WWOX: variants seen among roughly 807,000 people sequenced by gnomAD.
WWOX encodes the protein WW domain containing oxidoreductase, also known as WW domain-containing oxidoreductase.
In WWOX, 69 loss-of-function variants were observed where a neutral mutation model predicts 46.2. The ratio of observed to expected loss-of-function variants is 1.49; its 90% confidence interval spans 1.23 to 1.82. The LOEUF (loss-of-function observed/expected upper bound fraction) is 1.82. WWOX is among the 40% of genes most tolerant of loss of function. The pLI, the probability that WWOX is intolerant of heterozygous loss-of-function variation, is 0.00. For synonymous variants in WWOX, 359 were observed against 202.6 expected, an observed-to-expected ratio of 1.77 and a Z score of -6.56; for missense variants, 919 against 542.6, an observed-to-expected ratio of 1.69 and a Z score of -6.89.
chr16:78,809,605 G>T (rs2051135836), intron 8 of WWOX, among the ~76,000 whole-genome samples: 1 of 152,064 alleles, frequency 6.6e-6, no homozygotes, highest in African/African-American at 2.4e-5. Context: ...CCTCCTATCA[G>T]TTTTTCAGAA....
intron 5 of WWOX, among the ~76,000 whole-genome samples, chr16:78,195,462 A>G (rs1355900365): frequency 1.3e-5 from 2 of 152,012 alleles, no homozygotes; most frequent in African/African-American, 2.4e-5. Flanking sequence ...TCCTGACACC[A>G]TGGCCACCTT....
intron 8 of WWOX, among the ~76,000 whole-genome samples, chr16:79,013,963 G>A (rs1035558057): frequency 6.6e-6 from 1 of 152,114 alleles, no homozygotes; most frequent in Non-Finnish European, 1.5e-5. Context: ...AGGATGCTCC[G>A]CCGCCTGTAA....
intron 8 of WWOX, among the ~76,000 whole-genome samples, chr16:79,083,815 A>G (rs2048805715): frequency 6.6e-6 from 1 of 152,082 alleles, no homozygotes; most frequent in Admixed American, 6.6e-5. Flanking sequence ...GGCAACTTTT[A>G]TGTATTTGTA....
intron 8 of WWOX, among the ~76,000 whole-genome samples, chr16:78,837,763 C>A (rs191406241): frequency 1.3e-5 from 2 of 152,222 alleles, no homozygotes; most frequent in African/African-American, 4.8e-5. Context: ...ACAATAGCCA[C>A]CATCTATCTA....
intron 8 of WWOX, among the ~76,000 whole-genome samples, chr16:78,601,241 C>T (rs557134147): frequency 5.9e-5 from 9 of 152,256 alleles, no homozygotes; most frequent in Admixed American, 2.0e-4. Context: ...TTTACTCACC[C>T]AGAAGGAAGC....
intron 8 of WWOX, among the ~76,000 whole-genome samples, chr16:79,190,255 C>T (rs1410859067): frequency 1.3e-5 from 2 of 151,944 alleles, no homozygotes; most frequent in Admixed American, 1.3e-4. Context: ...GAACTCCTGA[C>T]CTCAAGTGAT....
At chr16:78,746,461 A>G (rs1458681087) in intron 8 of WWOX, among the ~76,000 whole-genome samples, 2 of 152,136 alleles carry the variant, frequency 1.3e-5, no homozygotes, top group African/African-American at 2.4e-5. Context: ...TCATGCCACT[A>G]CACTCCAGTA....
At chr16:78,473,218 C>A (rs778211345) in intron 8 of WWOX, among the ~76,000 whole-genome samples, 38 of 152,334 alleles carry the variant, frequency 2.5e-4, no homozygotes, top group Middle Eastern at 3.4e-3. Flanking sequence ...CGGCCTGCAT[C>A]TCCCACGTTC....
chr16:79,070,971 C>G (rs2048539245), intron 8 of WWOX, among the ~76,000 whole-genome samples: 1 of 152,170 alleles, frequency 6.6e-6, no homozygotes, highest in Admixed American at 6.5e-5. Flanking sequence ...ATGTCCCTCC[C>G]TACCCCCACA....
rs186249856 is a variant in WWOX, at chr16:78,995,316, A to C, written c.1057-216292A>C. Among the ~76,000 whole-genome samples, 126 of 152,158 alleles carry C rather than the reference A, an allele frequency of 8.3e-4. 1 individual carries two copies. The highest frequency in any genetic ancestry group is 2.8e-3 in the African/African-American group (116 of 41,524). On this transcript the variant is annotated intron_variant, in intron 8 of 8. Coordinates refer to ENST00000566780, the MANE Select transcript of WWOX (RefSeq NM_016373.4). Reference sequence around the variant, plus strand: ...TCGCGGCCAGTCTGCCCCTTGCCCAATTCCCTCCCCTCTCCTGCCTACAGG... The same window carrying C: ...TCGCGGCCAGTCTGCCCCTTGCCCACTTCCCTCCCCTCTCCTGCCTACAGG...
intron 4 of WWOX, among the ~76,000 whole-genome samples, chr16:78,133,345 C>A (rs1484782960): frequency 1.3e-5 from 2 of 152,182 alleles, no homozygotes; most frequent in East Asian, 1.9e-4. Context: ...AGTGCAAGGT[C>A]CACCTCCTGG....
At chr16:78,201,457 G>A (rs1567423568) in intron 5 of WWOX, among the ~76,000 whole-genome samples, 1 of 152,178 alleles carries the variant, frequency 6.6e-6, no homozygotes, top group South Asian at 2.1e-4. Flanking sequence ...AATGATAAAT[G>A]TTTGGCAAAA....
At chr16:78,856,350 T>G (rs1951635266) in intron 8 of WWOX, among the ~76,000 whole-genome samples, 1 of 152,134 alleles carries the variant, frequency 6.6e-6, no homozygotes, top group Non-Finnish European at 1.5e-5. Flanking sequence ...AAGTAGAAGT[T>G]GAATAGATCT....
In WWOX at chr16:79,045,780, C is replaced by CTTTTTTTTTTTT. The variant is rs770463813; in HGVS notation, c.1057-165800_1057-165789dup. On this transcript the variant is annotated intron_variant, in intron 8 of 8. Transcript: ENST00000566780. Reference sequence around the variant, plus strand: ...AGCTCGTCTTTCCTTTTTTCTTTTCCTTTTTTTTTTTTTTTTTTTTTTTTT... The same window carrying CTTTTTTTTTTTT: ...AGCTCGTCTTTCCTTTTTTCTTTTCCTTTTTTTTTTTTTTTTTTTTTTTTTTTTTTTTTTTTT... Among the ~76,000 whole-genome samples the CTTTTTTTTTTTT allele has an allele frequency of 1.1e-3, 58 of 54,228 alleles. 8 individuals are homozygous for CTTTTTTTTTTTT. The highest frequency in any genetic ancestry group is 1.7e-3 in the Non-Finnish European group (43 of 25,354). The allele number at this position is 54,228 out of a possible 152,430, so 35.6% of individuals were successfully genotyped here. A position where few individuals can be genotyped will look rare whatever the true frequency, so the allele number is the denominator to read the frequency against.
At chr16:78,376,597 C>G (rs538308620) in intron 5 of WWOX, among the ~76,000 whole-genome samples, 48 of 152,256 alleles carry the variant, frequency 3.2e-4, no homozygotes, top group African/African-American at 1.2e-3. Context: ...CAGGCATCCT[C>G]GGGACTATTG....
At chr16:78,720,347 T>C (rs901276276) in intron 8 of WWOX, among the ~76,000 whole-genome samples, 3 of 152,220 alleles carry the variant, frequency 2.0e-5, no homozygotes, top group South Asian at 2.1e-4. Context: ...CAAGAAAGAA[T>C]TATTTTTCTT....
At chr16:78,773,955 A>T (rs1340274637) in intron 8 of WWOX, among the ~76,000 whole-genome samples, 2 of 152,152 alleles carry the variant, frequency 1.3e-5, no homozygotes, top group African/African-American at 4.8e-5. Context: ...TGAAAACATG[A>T]CTCTGAAAGC....
chr16:78,576,835 A>C (rs1265599518), intron 8 of WWOX, among the ~76,000 whole-genome samples: 1 of 152,196 alleles, frequency 6.6e-6, no homozygotes, highest in African/African-American at 2.4e-5. Context: ...TGTCCCTTAA[A>C]ATAAATGCTG....
intron 6 of WWOX, among the ~76,000 whole-genome samples, chr16:78,421,839 G>T (rs894974877): frequency 1.3e-5 from 2 of 152,042 alleles, no homozygotes; most frequent in South Asian, 2.1e-4. Flanking sequence ...TGCAATTTTT[G>T]CTGCCCCTGC....
Sources: gnomAD v4.1 joint callset for allele counts (sites outside exome capture counted in the v4.1 genomes callset) on GRCh38, gnomAD v4.1.1 for gene constraint, MANE v1.5 for transcripts, NCBI Gene and HGNC (gene_info 2026-07-23, HGNC 2026-07-21) for gene names.